The following PRR7 variants were observed in gnomAD, a reference collection of about 807,000 sequenced individuals.
PRR7 encodes proline-rich protein 7.
Under a neutral mutation model 18.5 loss-of-function variants are expected in PRR7, and 8 were observed. The observed-to-expected ratio is 0.43, with a 90% CI of 0.25 to 0.78. The LOEUF is 0.78. PRR7 is among the 30% of genes least tolerant of loss of function. PRR7 has a pLI of 0.22. For synonymous variants in PRR7, 221 were observed against 187.7 expected (o/e 1.18, Z -1.45); for missense variants, 396 against 403.1 (o/e 0.98, Z 0.15).
At position 177,456,153 on chromosome 5, in the gene PRR7, G is replaced by A. The variant is rs879571432; in HGVS notation, c.*32G>A. 5 of 1,420,542 alleles carry A rather than the reference G, an allele frequency of 3.5e-6. No individual in the cohort carries two copies. Among genetic ancestry groups the A allele is most frequent in the East Asian group, 5.4e-5 (2 of 37,154 alleles). 88.0% of individuals were successfully genotyped at this position (1,420,542 alleles called of 1,614,324 possible). A position where few individuals can be genotyped will look rare whatever the true frequency, so the allele number is the denominator to read the frequency against. On this transcript the variant is annotated 3_prime_UTR_variant, in exon 4 of 4. Coordinates refer to ENST00000323249, the MANE Select transcript of PRR7 (RefSeq NM_030567.5). Reference sequence around the variant, plus strand: ...GCCCGGCGCCCCGGGCCCCACCGGCGGACTCCTGGCCTGACTGCGGGGCTT... The same window carrying A: ...GCCCGGCGCCCCGGGCCCCACCGGCAGACTCCTGGCCTGACTGCGGGGCTT...
In PRR7 at chr5:177,454,984, G is replaced by A; in HGVS notation, c.-84G>A. The A allele has an allele frequency of 2.2e-6, 3 of 1,365,088 alleles. No homozygotes were observed. Among genetic ancestry groups the A allele is most frequent in the Non-Finnish European group, 2.8e-6 (3 of 1,060,078 alleles). 84.6% of individuals were successfully genotyped at this position (1,365,088 alleles called of 1,614,324 possible). ...TCCCCGAGTGACGCTGGCGGCACCT[G>A]AGAGTGTGGCGCGGGCCCGGGGCCA... On this transcript the variant is annotated 5_prime_UTR_variant, in exon 3 of 4. Coordinates refer to ENST00000323249, the MANE Select transcript of PRR7 (RefSeq NM_030567.5). The surrounding 1 kb of genome is among the most constrained non-coding windows in gnomAD (Gnocchi z 4.7).
At chr5:177,448,544 C>T (rs1561667394) in intron 1 of PRR7, 1 of 152,350 alleles carries the variant, frequency 6.6e-6, no homozygotes, top group South Asian at 2.1e-4. Context: ...GGCAAAGCTC[C>T]TCTCTGCCTG....
At chr5:177,453,620 T>C (rs1252788138) in intron 1 of PRR7, among the ~76,000 whole-genome samples, 2 of 152,128 alleles carry the variant, frequency 1.3e-5, no homozygotes, top group African/African-American at 2.4e-5. Flanking sequence ...AGTGTGTGTG[T>C]GCCTCGGGCA....
chr5:177,455,656 G>T lies in PRR7; in HGVS notation c.428-68G>T, dbSNP rs1309270982. ...TAGGGCTGGGGCGCGGGCGGCCCCT[G>T]GCCGGGGCCTCTGCGAGAGGCTGGG... On this transcript the variant is annotated intron_variant, in intron 3 of 3. Coordinates refer to ENST00000323249, the MANE Select transcript of PRR7 (RefSeq NM_030567.5). This position sits in a 1 kb window ranked among gnomAD's most constrained non-coding sequence, Gnocchi z 6.9. The T allele has an allele frequency of 2.1e-6, 3 of 1,450,192 alleles. No individual in the cohort carries two copies. Among genetic ancestry groups the T allele is most frequent in the African/African-American group, 1.5e-5 (1 of 68,310 alleles). 89.8% of individuals were successfully genotyped at this position (1,450,192 alleles called of 1,614,324 possible). A position where few individuals can be genotyped will look rare whatever the true frequency, so the allele number is the denominator to read the frequency against.
Position 177,454,758 on chromosome 5 carries a change from G to A in PRR7, c.-239-71G>A, listed in dbSNP as rs1756321559. On this transcript the variant is annotated intron_variant, in intron 2 of 3. Transcript: ENST00000323249. This position sits in a 1 kb window ranked among gnomAD's most constrained non-coding sequence, Gnocchi z 4.7. ...GGAGGCTTTCCCCGGACTGCGCAGG[G>A]CGCGGGCGGGGGCCGGGAAGTCGTT... 2 of 176,856 alleles carry A rather than the reference G, an allele frequency of 1.1e-5. No individual in the cohort carries two copies. The highest frequency in any genetic ancestry group is 4.7e-5 in the African/African-American group (2 of 42,308). The allele number at this position is 176,856 out of a possible 1,614,324, so 11.0% of individuals were successfully genotyped here.
Position 177,456,188 on chromosome 5 carries a change from T to G in PRR7, c.*67T>G. 6 of 862,424 alleles carry G rather than the reference T, an allele frequency of 7.0e-6. No homozygotes were observed. Among genetic ancestry groups the G allele is most frequent in the South Asian group, 2.0e-5 (1 of 50,932 alleles). 53.4% of individuals were successfully genotyped at this position (862,424 alleles called of 1,614,324 possible). ...CCTGACTGCGGGGCTTTTTAAATGCTTCCCTGGACTGCGGGGAGGGGCGGG... is the reference window on the plus strand; with the variant it reads ...CCTGACTGCGGGGCTTTTTAAATGCGTCCCTGGACTGCGGGGAGGGGCGGG... On this transcript the variant is annotated 3_prime_UTR_variant, in exon 4 of 4. Coordinates refer to ENST00000323249, the MANE Select transcript of PRR7 (RefSeq NM_030567.5).
In PRR7 at chr5:177,455,323, G is replaced by C; in HGVS notation, c.256G>C (p.Ala86Pro). The C allele has an allele frequency of 2.0e-6, 3 of 1,486,506 alleles. No individual in the cohort carries two copies. The highest frequency in any genetic ancestry group is 2.7e-6 in the Non-Finnish European group (3 of 1,127,662). 92.1% of individuals were successfully genotyped at this position (1,486,506 alleles called of 1,614,324 possible). ...ACCACCACACCGTAGCCGCCTGGAG[G>C]CGCCGGCTCACGCGCACTCGCATCC... ...QPPPHRSRLE[A>P]PAHAHSHPHV... Residue 86 changes from alanine (A) to proline (P), a missense_variant, in exon 3 of 4, where the codon GCG becomes CCG. Physicochemically the swap from Ala to Pro is conservative, Grantham distance 27. Around this residue, in one of 2 missense-constraint regions of PRR7, gnomAD observed 383 missense variants for 372.6 expected, o/e 1.03. Transcript: ENST00000323249. This position sits in a 1 kb window ranked among gnomAD's most constrained non-coding sequence, Gnocchi z 6.9.
rs772808765 is a variant in PRR7, at chr5:177,455,327, C to G, written c.260C>G (p.Pro87Arg). 4.0e-6 allele frequency: 6 copies of G among 1,485,144 alleles called. No individual in the cohort carries two copies. Among genetic ancestry groups the G allele is most frequent in the Non-Finnish European group, 5.3e-6 (6 of 1,127,028 alleles). The allele number at this position is 1,485,144 out of a possible 1,614,324, so 92.0% of individuals were successfully genotyped here. A position where few individuals can be genotyped will look rare whatever the true frequency, so the allele number is the denominator to read the frequency against. ...PPPHRSRLEA[P>R]AHAHSHPHVH... is the part of the protein sequence containing the mutation. ...CCACACCGTAGCCGCCTGGAGGCGC[C>G]GGCTCACGCGCACTCGCATCCGCAC... is the stretch of plus-strand genomic sequence containing the variant. The change falls in exon 3 of 4, where the codon CCG becomes CGG. Residue 87 changes from proline to arginine, a missense_variant. Coordinates refer to ENST00000323249, the MANE Select transcript of PRR7 (RefSeq NM_030567.5). The surrounding 1 kb of genome is among the most constrained non-coding windows in gnomAD (Gnocchi z 6.9).
In PRR7 at chr5:177,454,323, C is replaced by G. The variant is rs758570416; in HGVS notation, c.-240+283C>G. On this transcript the variant is annotated intron_variant, in intron 2 of 3. Transcript: ENST00000323249. This position sits in a 1 kb window ranked among gnomAD's most constrained non-coding sequence, Gnocchi z 4.7. ...CCCCCCTACGGGAGCGGCGGGAGACCCGGAGGGCGCGGTGCGGAGCCAGTT... is the reference window on the plus strand; with the variant it reads ...CCCCCCTACGGGAGCGGCGGGAGACGCGGAGGGCGCGGTGCGGAGCCAGTT... Among the ~76,000 whole-genome samples the G allele has an allele frequency of 4.6e-5, 7 of 152,222 alleles. No individual in the cohort carries two copies. The highest frequency in any genetic ancestry group is 1.0e-4 in the Non-Finnish European group (7 of 68,034).
chr5:177,453,068 C>T (rs571338178), intron 1 of PRR7, among the ~76,000 whole-genome samples: 1 of 152,348 alleles, frequency 6.6e-6, no homozygotes, highest in South Asian at 2.1e-4. Flanking sequence ...AGCTGTGTGA[C>T]CTGGGGCAAG....
chr5:177,447,486 C>T, intron 1 of PRR7, among the ~76,000 whole-genome samples: 1 of 152,154 alleles, frequency 6.6e-6, no homozygotes, highest in East Asian at 1.9e-4. Flanking sequence ...GCGGCCCAGC[C>T]CCTGGGCTTG....
At position 177,455,336 on chromosome 5, in the gene PRR7, C is replaced by G. The variant is rs1295865479; in HGVS notation, c.269C>G (p.Ala90Gly). 6.7e-7 allele frequency: 1 copy of G among 1,488,502 alleles called. No homozygotes were observed. The highest frequency in any genetic ancestry group is 1.3e-5 in the South Asian group (1 of 78,344). 92.2% of individuals were successfully genotyped at this position (1,488,502 alleles called of 1,614,324 possible). ...HRSRLEAPAH[A>G]HSHPHVHVHP... Reference sequence around the variant, plus strand: ...AGCCGCCTGGAGGCGCCGGCTCACGCGCACTCGCATCCGCACGTGCACGTG... The same window carrying G: ...AGCCGCCTGGAGGCGCCGGCTCACGGGCACTCGCATCCGCACGTGCACGTG... The change falls in exon 3 of 4, where the codon GCG becomes GGG. Residue 90 changes from alanine to glycine, a missense_variant. This residue lies in a region of PRR7 where 383 missense variants were observed against 372.6 expected (regional missense o/e 1.03). Transcript: ENST00000323249. The surrounding 1 kb of genome is among the most constrained non-coding windows in gnomAD (Gnocchi z 6.9).
chr5:177,448,590 G>A (rs1185688070), intron 1 of PRR7, among the ~76,000 whole-genome samples: 2 of 152,212 alleles, frequency 1.3e-5, no homozygotes, highest in African/African-American at 4.8e-5. Flanking sequence ...GAGAAGAACT[G>A]TAGAGCCTTC....
rs1456195882 is a variant in PRR7 at position 177,449,588 on chromosome 5, G to T, written c.-325+2628G>T. On this transcript the variant is annotated intron_variant, in intron 1 of 3. Transcript: ENST00000323249. This position sits in a 1 kb window ranked among gnomAD's most constrained non-coding sequence, Gnocchi z 4.2. ...TCAGATCATTATTTCCATGCCAGCT[G>T]CGGGGATGAAGGCACAGAGAGCCAC... 6.6e-6 allele frequency among the ~76,000 whole-genome samples: 1 copy of T among 152,198 alleles called. No individual in the cohort carries two copies. Among genetic ancestry groups the T allele is most frequent in the Non-Finnish European group, 1.5e-5 (1 of 68,018 alleles).
In PRR7 at chr5:177,455,103, G is replaced by A. The variant is rs1430972880; in HGVS notation, c.36G>A (p.Thr12=). 1 of 1,510,226 alleles carries A rather than the reference G, an allele frequency of 6.6e-7. No individual in the cohort carries two copies. The highest frequency in any genetic ancestry group is 2.2e-5 in the Admixed American group (1 of 44,448). 93.6% of individuals were successfully genotyped at this position (1,510,226 alleles called of 1,614,324 possible). The change falls in exon 3 of 4, where the codon ACG becomes ACA. Residue 12 remains threonine, a synonymous_variant. Coordinates refer to ENST00000323249, the MANE Select transcript of PRR7 (RefSeq NM_030567.5). The surrounding 1 kb of genome is among the most constrained non-coding windows in gnomAD (Gnocchi z 6.9). ...CCCAGGGCACCTACACGTTCCTCAC[G>A]TGCTTCGCCGGCTTCTGGCTCATCT... ...VMSQGTYTFL[T]CFAGFWLIWG...
Position 177,455,412 on chromosome 5 carries a change from ACACCCGCACCACCACGCG to A in PRR7, c.347_364del (p.His116_Ala121del). On this transcript the variant is annotated inframe_deletion, in exon 3 of 4. Coordinates refer to ENST00000323249, the MANE Select transcript of PRR7 (RefSeq NM_030567.5). The surrounding 1 kb of genome is among the most constrained non-coding windows in gnomAD (Gnocchi z 6.9). ...CGCAGCCGCACGCGCACGCGCACCC[ACACCCGCACCACCACGCG>A]CTCCCGCACCCGCCGCCTACGCACC... 1 of 1,501,548 alleles carries A rather than the reference ACACCCGCACCACCACGCG, an allele frequency of 6.7e-7. No individual in the cohort carries two copies. The highest frequency in any genetic ancestry group is 8.8e-7 in the Non-Finnish European group (1 of 1,132,244). The allele number at this position is 1,501,548 out of a possible 1,614,324, so 93.0% of individuals were successfully genotyped here.
In PRR7 at chr5:177,455,484, C is replaced by A; in HGVS notation, c.417C>A (p.Tyr139Ter). ...CGGTGCCGCCACGGCCCTGGAGCTA[C>A]CCGCGCCAAGGTGAGTACCGACCTC... is the stretch of plus-strand genomic sequence containing the variant. ...HLSVPPRPWSYPRQAESDMSK... is the reference protein window; with the variant it reads ...HLSVPPRPWS Residue 139 changes from tyrosine to a stop codon, truncating the protein, a stop_gained, in exon 3 of 4, where the codon TAC (tyrosine) becomes TAA (stop). Coordinates refer to ENST00000323249, the MANE Select transcript of PRR7 (RefSeq NM_030567.5). LOFTEE classifies it high-confidence loss of function. This position sits in a 1 kb window ranked among gnomAD's most constrained non-coding sequence, Gnocchi z 6.9. 6.7e-7 allele frequency: 1 copy of A among 1,498,866 alleles called. No individual in the cohort carries two copies. 92.8% of individuals were successfully genotyped at this position (1,498,866 alleles called of 1,614,324 possible). A position where few individuals can be genotyped will look rare whatever the true frequency, so the allele number is the denominator to read the frequency against.
chr5:177,454,490 C>T lies in PRR7; in HGVS notation c.-239-339C>T, dbSNP rs562305847. Among the ~76,000 whole-genome samples, 27 of 152,278 alleles carry T rather than the reference C, an allele frequency of 1.8e-4. No homozygotes were observed. The highest frequency in any genetic ancestry group is 6.3e-4 in the African/African-American group (26 of 41,576). ...GACGCCTCTTCAGGGACCTGGTGCG[C>T]ACAGGCTCCTGAAACCCTTTGGCCC... is the stretch of plus-strand genomic sequence containing the variant. On this transcript the variant is annotated intron_variant, in intron 2 of 3. Transcript: ENST00000323249. The surrounding 1 kb of genome is among the most constrained non-coding windows in gnomAD (Gnocchi z 4.7).
rs987268548 is a variant in PRR7, at chr5:177,455,435, C to G, written c.368C>G (p.Pro123Arg). The G allele has an allele frequency of 1.9e-5, 28 of 1,506,718 alleles. No individual in the cohort carries two copies. Among genetic ancestry groups the G allele is most frequent in the African/African-American group, 8.7e-5 (6 of 68,922 alleles). 93.3% of individuals were successfully genotyped at this position (1,506,718 alleles called of 1,614,324 possible). The change falls in exon 3 of 4, where the codon CCG becomes CGG. Residue 123 changes from proline to arginine, a missense_variant. Physicochemically the swap from Pro to Arg is moderately radical, Grantham distance 103 (BLOSUM62 -2). Around this residue, in one of 2 missense-constraint regions of PRR7, gnomAD observed 383 missense variants for 372.6 expected, o/e 1.03. Coordinates refer to ENST00000323249, the MANE Select transcript of PRR7 (RefSeq NM_030567.5). This position sits in a 1 kb window ranked among gnomAD's most constrained non-coding sequence, Gnocchi z 6.9. ...AHPHPHHHAL[P>R]HPPPTHLSVP... ...CCACACCCGCACCACCACGCGCTCC[C>G]GCACCCGCCGCCTACGCACCTGTCG...
Sources: gnomAD v4.1 joint callset for allele counts (sites outside exome capture counted in the v4.1 genomes callset) on GRCh38, gnomAD v4.1.1 for gene constraint, gnomAD v4.1.1 regional missense constraint, Gnocchi (gnomAD v3.1) non-coding constraint, MANE v1.5 for transcripts, NCBI Gene and HGNC (gene_info 2026-07-23, HGNC 2026-07-21) for gene names.